The following PCDHGA8 variants were observed in gnomAD, a reference collection of about 807,000 sequenced individuals.
PCDHGA8 encodes protocadherin gamma subfamily A, 8, also known as protocadherin gamma-A8.
Under a neutral mutation model 59.2 loss-of-function variants are expected in PCDHGA8, and 45 were observed. That is an observed-to-expected ratio of 0.76 (90% CI 0.60 to 0.98). The LOEUF (loss-of-function observed/expected upper bound fraction) is 0.98. Ranked by LOEUF, PCDHGA8 falls within the 50% of genes least tolerant of loss-of-function variation. The pLI is 0.00. For synonymous variants in PCDHGA8, 531 were observed against 519.0 expected (o/e 1.02, Z -0.32); for missense variants, 1,257 against 1,196.2 (o/e 1.05, Z -0.75).
chr5:141,486,017 A>C lies in PCDHGA8; in HGVS notation c.2425-8790A>C, dbSNP rs746747518. 1 of 1,614,176 alleles carries C rather than the reference A, an allele frequency of 6.2e-7. No homozygotes were observed. The highest frequency in any genetic ancestry group is 8.5e-7 in the Non-Finnish European group (1 of 1,180,038). ...CAGTGGTAACGTCACCTTTTATTTC[A>C]GTGGTCATACCCCTGATCGTGTAAG... On this transcript the variant is annotated intron_variant, in intron 1 of 3. Coordinates refer to ENST00000398604, the MANE Select transcript of PCDHGA8 (RefSeq NM_032088.2). This position sits in a 1 kb window ranked among gnomAD's most constrained non-coding sequence, Gnocchi z 5.0.
At chr5:141,452,016 A>G (rs988436326) in intron 1 of PCDHGA8, among the ~76,000 whole-genome samples, 5 of 152,084 alleles carry the variant, frequency 3.3e-5, no homozygotes, top group Non-Finnish European at 5.9e-5. Flanking sequence ...TCCAGCCCAC[A>G]CTCTGGGGAG....
intron 1 of PCDHGA8, among the ~76,000 whole-genome samples, chr5:141,407,131 T>C (rs1164616354): frequency 6.6e-6 from 1 of 152,226 alleles, no homozygotes; most frequent in African/African-American, 2.4e-5. Context: ...TGCTTTATTT[T>C]TAAGAAAAAA....
At chr5:141,419,325 AC>A (rs768622826) in intron 1 of PCDHGA8, 1 of 1,613,702 alleles carries the variant, frequency 6.2e-7, no homozygotes, top group Non-Finnish European at 8.5e-7. Context: ...CGTGTCTCCT[AC>A]TCTCTCATTG....
At chr5:141,457,715 CA>C (rs2098928510) in intron 1 of PCDHGA8, among the ~76,000 whole-genome samples, 2 of 152,212 alleles carry the variant, frequency 1.3e-5, no homozygotes, top group Non-Finnish European at 2.9e-5. Flanking sequence ...CACTGTTCCA[CA>C]AGGAATTTCA....
At chr5:141,398,249 T>C (rs1462140853) in intron 1 of PCDHGA8, 2 of 1,470,902 alleles carry the variant, frequency 1.4e-6, no homozygotes, top group Non-Finnish European at 1.8e-6. Context: ...CCCGAGGAAA[T>C]GCCCAAGGGC....
chr5:141,476,978 C>A lies in PCDHGA8; in HGVS notation c.2425-17829C>A, dbSNP rs1468851988. The A allele has an allele frequency of 2.5e-6, 4 of 1,614,138 alleles. No individual in the cohort carries two copies. Among genetic ancestry groups the A allele is most frequent in the Admixed American group, 3.3e-5 (2 of 60,012 alleles). On this transcript the variant is annotated intron_variant, in intron 1 of 3. Transcript: ENST00000398604. This position sits in a 1 kb window ranked among gnomAD's most constrained non-coding sequence, Gnocchi z 7.6. ...TATTTACTCCTTCGGCAGCCACAAC[C>A]GCGCCGGCGTGCGGCAACTATTCGC...
Position 141,489,068 on chromosome 5 carries a change from G to GGCC in PCDHGA8, c.2425-5739_2425-5738insGCC. The GGCC allele has an allele frequency of 3.4e-6, 1 of 291,556 alleles. No individual in the cohort carries two copies. The allele number at this position is 291,556 out of a possible 1,614,324, so 18.1% of individuals were successfully genotyped here. A position where few individuals can be genotyped will look rare whatever the true frequency, so the allele number is the denominator to read the frequency against. ...CTCAAATTCAGCTCCCCTCCCCCCT[G>GGCC]CCCACCCCCGCCACTCGGTGACTAA... On this transcript the variant is annotated intron_variant, in intron 1 of 3. Coordinates refer to ENST00000398604, the MANE Select transcript of PCDHGA8 (RefSeq NM_032088.2). The surrounding 1 kb of genome is among the most constrained non-coding windows in gnomAD (Gnocchi z 4.5).
In PCDHGA8 at chr5:141,394,875, A is replaced by G; in HGVS notation, c.2062A>G (p.Ser688Gly). The G allele has an allele frequency of 1.9e-6, 3 of 1,613,722 alleles. No homozygotes were observed. Among genetic ancestry groups the G allele is most frequent in the Non-Finnish European group, 8.5e-7 (1 of 1,179,892 alleles). The change falls in exon 1 of 4, where the codon AGC becomes GGC. Residue 688 changes from serine to glycine, a missense_variant. Physicochemically the swap from Ser to Gly is moderately conservative, Grantham distance 56. Transcript: ENST00000398604. ...LKPSVDPNDS[S>G]LTLYLVVAVA... is the part of the protein sequence containing the mutation. Reference sequence around the variant, plus strand: ...GCCTTCGGTCGACCCGAACGATTCGAGCCTTACACTCTATCTCGTGGTGGC... The same window carrying G: ...GCCTTCGGTCGACCCGAACGATTCGGGCCTTACACTCTATCTCGTGGTGGC...
chr5:141,427,654 T>C (rs2097054872), intron 1 of PCDHGA8: 3 of 727,622 alleles, frequency 4.1e-6, no homozygotes, highest in Non-Finnish European at 7.4e-6. Context: ...TCCTACGTGG[T>C]CCACGTGGCC....
In PCDHGA8 at chr5:141,489,362, C is replaced by T. The variant is rs1562129544; in HGVS notation, c.2425-5445C>T. 8 of 1,613,052 alleles carry T rather than the reference C, an allele frequency of 5.0e-6. No individual in the cohort carries two copies. Among genetic ancestry groups the T allele is most frequent in the South Asian group, 2.2e-5 (2 of 90,970 alleles). On this transcript the variant is annotated intron_variant, in intron 1 of 3. Coordinates refer to ENST00000398604, the MANE Select transcript of PCDHGA8 (RefSeq NM_032088.2). The surrounding 1 kb of genome is among the most constrained non-coding windows in gnomAD (Gnocchi z 4.5). ...TACTCAGTGGTGGAGGAGTCTGAGC[C>T]GGGGACGCTGGTGGGGAATGTTGCT...
intron 1 of PCDHGA8, among the ~76,000 whole-genome samples, chr5:141,456,736 G>A (rs1339661302): frequency 1.3e-5 from 2 of 151,924 alleles, no homozygotes; most frequent in Non-Finnish European, 2.9e-5. Context: ...AGGCTGAGGC[G>A]GGAGCATCAT....
intron 1 of PCDHGA8, chr5:141,421,588 G>A: frequency 1.2e-6 from 2 of 1,613,910 alleles, no homozygotes; most frequent in Non-Finnish European, 8.5e-7. Context: ...TTACGGAGTG[G>A]AGGTGGAAAT....
At chr5:141,415,043 T>G in intron 1 of PCDHGA8, 2 of 1,613,396 alleles carry the variant, frequency 1.2e-6, no homozygotes, top group Non-Finnish European at 1.7e-6. Flanking sequence ...CTCTTCGCGG[T>G]GGGGGAGCAC....
intron 1 of PCDHGA8, among the ~76,000 whole-genome samples, chr5:141,448,751 T>C (rs888567097): frequency 1.3e-5 from 2 of 151,804 alleles, no homozygotes; most frequent in South Asian, 4.2e-4. Context: ...CCATCCTGGC[T>C]AACACGGTGA....
intron 1 of PCDHGA8, among the ~76,000 whole-genome samples, chr5:141,469,289 A>G (rs2154570270): frequency 6.6e-6 from 1 of 151,932 alleles, no homozygotes; most frequent in South Asian, 2.1e-4. Flanking sequence ...AAAATAAAAC[A>G]AAATAGACTG....
intron 1 of PCDHGA8, chr5:141,427,958 G>T: frequency 6.3e-7 from 1 of 1,588,408 alleles, no homozygotes; most frequent in Non-Finnish European, 8.6e-7. Flanking sequence ...ACAATGTGCC[G>T]CGGGTGCTGT....
In PCDHGA8 at chr5:141,394,966, G is replaced by C. The variant is rs758463890; in HGVS notation, c.2153G>C (p.Arg718Pro). The stretch of plus-strand genomic sequence containing the variant: ...GTGCTTCTGGGGCTCAGGCTGAGGC[G>C]CTGGCACAAGTCACGCCTGCTCCAG... ...VAVLLGLRLR[R>P]WHKSRLLQDS... The change falls in exon 1 of 4, where the codon CGC (arginine) becomes CCC (proline). Residue 718 changes from arginine (R) to proline (P), a missense_variant. Physicochemically the swap from Arg to Pro is moderately radical, Grantham distance 103. Transcript: ENST00000398604. The C allele has an allele frequency of 1.9e-6, 3 of 1,613,768 alleles. No homozygotes were observed. The highest frequency in any genetic ancestry group is 3.3e-5 in the Admixed American group (2 of 60,002).
chr5:141,413,682 C>G, intron 1 of PCDHGA8: 1 of 1,613,798 alleles, frequency 6.2e-7, no homozygotes, highest in South Asian at 1.1e-5. Context: ...TGGGCGTGAA[C>G]TCCCTGCAGA....
At chr5:141,502,404 C>A (rs1270930372) in intron 2 of PCDHGA8, among the ~76,000 whole-genome samples, 1 of 151,880 alleles carries the variant, frequency 6.6e-6, no homozygotes, top group Non-Finnish European at 1.5e-5. Flanking sequence ...TGTCCCCGAA[C>A]CTGGATTTGC....
Sources: gnomAD v4.1 joint callset for allele counts (sites outside exome capture counted in the v4.1 genomes callset) on GRCh38, gnomAD v4.1.1 for gene constraint, Gnocchi (gnomAD v3.1) non-coding constraint, MANE v1.5 for transcripts, NCBI Gene and HGNC (gene_info 2026-07-23, HGNC 2026-07-21) for gene names.